Variants in CAPN8 observed in about 807,000 individuals in gnomAD.
CAPN8 encodes calpain 8.
CAPN8 carries 87 observed loss-of-function variants against 80.9 expected under a neutral mutation model. The observed-to-expected ratio is 1.07, with a 90% CI of 0.90 to 1.28. CAPN8 has a LOEUF of 1.28. Ranked by LOEUF, CAPN8 falls within the 50% of genes most tolerant of loss-of-function variation. CAPN8 has a pLI of 0.00. For synonymous variants in CAPN8, 299 were observed against 273.8 expected, an observed-to-expected ratio of 1.09 and a Z score of -0.91; for missense variants, 757 against 702.0, an observed-to-expected ratio of 1.08 and a Z score of -0.89.
chr1:223,611,009 C>T (rs1657016495), intron 11 of CAPN8, among the ~76,000 whole-genome samples: 1 of 104,812 alleles, frequency 9.5e-6, no homozygotes, highest in African/African-American at 4.4e-5. Flanking sequence ...AGTTTGACAA[C>T]TGTTGTCCTG....
chr1:223,654,484 T>A, intron 1 of CAPN8, 85 bp from the exon 2 acceptor site: 1 of 1,253,112 alleles, frequency 8.0e-7, no homozygotes, highest in Non-Finnish European at 1.1e-6. Flanking sequence ...GAGTCCCAGG[T>A]TGCAGAGCTG....
chr1:223,623,760 C>G (rs932882107), intron 6 of CAPN8, among the ~76,000 whole-genome samples: 2 of 152,160 alleles, frequency 1.3e-5, no homozygotes, highest in Non-Finnish European at 2.9e-5. Context: ...CTTTGGGAGG[C>G]CGAGGTGGGC....
intron 1 of CAPN8, among the ~76,000 whole-genome samples, chr1:223,658,047 G>A (rs1658545779): frequency 6.6e-6 from 1 of 151,982 alleles, no homozygotes; most frequent in Admixed American, 6.6e-5. Flanking sequence ...AAGTATCAAG[G>A]AACCCCTGGC....
chr1:223,630,917 CCT>C (rs1657756198), intron 2 of CAPN8, among the ~76,000 whole-genome samples: 1 of 152,114 alleles, frequency 6.6e-6, no homozygotes, highest in African/African-American at 2.4e-5. Context: ...CCACCCAGCT[CCT>C]CTCAGCCCAT....
At chr1:223,550,269 G>A (rs1030588489) in intron 15 of CAPN8, among the ~76,000 whole-genome samples, 3 of 152,214 alleles carry the variant, frequency 2.0e-5, no homozygotes, top group East Asian at 1.9e-4. Flanking sequence ...CCCTGGGTTC[G>A]TCCCTGGGAA....
Position 223,628,051 on chromosome 1 carries a change from C to G in CAPN8, c.518G>C (p.Gly173Ala), listed in dbSNP as rs1419641214. The G allele has an allele frequency of 1.3e-6, 2 of 1,551,120 alleles. No individual in the cohort carries two copies. Among genetic ancestry groups the G allele is most frequent in the Non-Finnish European group, 1.7e-6 (2 of 1,146,728 alleles). The part of the protein sequence containing the change: ...GQLLFLHSEQ[G>A]NEFWSALLEK... The stretch of plus-strand genomic sequence containing the variant: ...CAGCAGGGCACTCCAGAATTCATTG[C>G]CTTGTTCCGAGTGTAGGAAGAGCAG... Residue 173 changes from glycine (G) to alanine (A), a missense_variant, in exon 4 of 21, where the codon GGC becomes GCC. By Grantham distance (60) the Gly-to-Ala change is moderately conservative. Transcript: ENST00000366872.
intron 9 of CAPN8, among the ~76,000 whole-genome samples, chr1:223,616,603 G>C (rs900303777): frequency 1.3e-5 from 2 of 152,188 alleles, no homozygotes; most frequent in African/African-American, 4.8e-5. Flanking sequence ...GAAAGTCCCT[G>C]AAGAGACTAG....
At chr1:223,645,144 G>T (rs1658154164) in intron 2 of CAPN8, among the ~76,000 whole-genome samples, 1 of 152,148 alleles carries the variant, frequency 6.6e-6, no homozygotes, top group Admixed American at 6.5e-5. Flanking sequence ...TCCAAAAGCT[G>T]AAGAACTTGG....
At chr1:223,634,124 A>C (rs1657850302) in intron 2 of CAPN8, among the ~76,000 whole-genome samples, 2 of 152,230 alleles carry the variant, frequency 1.3e-5, no homozygotes, top group Admixed American at 1.3e-4. Flanking sequence ...AGACAACGGA[A>C]GTGCCCCCAA....
intron 18 of CAPN8, among the ~76,000 whole-genome samples, chr1:223,544,434 G>A (rs1656562113): frequency 6.6e-6 from 1 of 152,148 alleles, no homozygotes; most frequent in Admixed American, 6.5e-5. Context: ...ACTCAGCCAT[G>A]GGTCACATCA....
chr1:223,665,145 C>T (rs1658750040), intron 1 of CAPN8, among the ~76,000 whole-genome samples: 2 of 151,586 alleles, frequency 1.3e-5, no homozygotes, highest in Admixed American at 6.6e-5. Context: ...CCCAGCTACT[C>T]GGGAGGCTGA....
chr1:223,646,376 ACATCTCC>A (rs1658193328), intron 2 of CAPN8, among the ~76,000 whole-genome samples: 1 of 152,210 alleles, frequency 6.6e-6, no homozygotes, highest in Non-Finnish European at 1.5e-5. Flanking sequence ...CTGAGGGTGT[ACATCTCC>A]CAGCCAGTCC....
chr1:223,556,556 C>A (rs1656910013), intron 13 of CAPN8, among the ~76,000 whole-genome samples: 1 of 152,134 alleles, frequency 6.6e-6, no homozygotes, highest in Non-Finnish European at 1.5e-5. Context: ...CATAAAGAAA[C>A]CTGTGAGCTG....
At chr1:223,654,601 A>G (rs1431350362) in intron 1 of CAPN8, among the ~76,000 whole-genome samples, 1 of 152,218 alleles carries the variant, frequency 6.6e-6, no homozygotes, top group Admixed American at 6.5e-5. Flanking sequence ...CCAGGGGTGA[A>G]CAGAGCAGAA....
chr1:223,660,836 G>A (rs1428777604), intron 1 of CAPN8, among the ~76,000 whole-genome samples: 1 of 152,118 alleles, frequency 6.6e-6, no homozygotes, highest in Non-Finnish European at 1.5e-5. Flanking sequence ...ACCCTCAAAA[G>A]CAGCAGTGAA....
chr1:223,618,254 G>A (rs1489203895), intron 9 of CAPN8: 11 of 1,550,454 alleles, frequency 7.1e-6, no homozygotes. Flanking sequence ...ATCAGGTGCT[G>A]CCTCAGCTGA....
intron 2 of CAPN8, among the ~76,000 whole-genome samples, chr1:223,653,564 T>C (rs1045364826): frequency 2.0e-5 from 3 of 152,144 alleles, no homozygotes; most frequent in African/African-American, 7.2e-5. Context: ...TCACTTCCGG[T>C]TCTGTATTTT....
intron 6 of CAPN8, among the ~76,000 whole-genome samples, chr1:223,624,713 CTAAATAAA>C (rs71740935): frequency 1.6e-4 from 23 of 141,886 alleles, no homozygotes; most frequent in Non-Finnish European, 2.5e-4. Flanking sequence ...GACCCTGTCT[CTAAATAAA>C]TAAATAAATA....
chr1:223,645,588 T>G (rs16841918), intron 2 of CAPN8, among the ~76,000 whole-genome samples: 4,024 of 152,256 alleles, frequency 0.026, 121 homozygotes, highest in African/African-American at 0.072. Flanking sequence ...ATTGCCCTGT[T>G]AAATGATGGA....
Sources: allele counts gnomAD v4.1 joint callset (sites outside exome capture counted in the v4.1 genomes callset), GRCh38; gene constraint gnomAD v4.1.1; transcripts MANE v1.5; gene names NCBI Gene and HGNC (gene_info 2026-07-23, HGNC 2026-07-21).